ZMAT4: variants seen among roughly 807,000 people sequenced by gnomAD.
ZMAT4 encodes the protein zinc finger matrin-type 4.
In ZMAT4, 17 loss-of-function variants were observed where a neutral mutation model predicts 28.7. That is an observed-to-expected ratio of 0.59 (90% confidence interval 0.41 to 0.89). The LOEUF (loss-of-function observed/expected upper bound fraction) is 0.89, where lower values mean the gene tolerates loss of function less well. Ranked by LOEUF, ZMAT4 falls within the 40% of genes least tolerant of loss-of-function variation. The pLI is 0.00. For synonymous variants in ZMAT4, 117 were observed against 109.2 expected (o/e 1.07, Z -0.44); for missense variants, 240 against 283.8 (o/e 0.85, Z 1.11).
At chr8:40,763,626 T>A (rs1394156121) in intron 3 of ZMAT4, among the ~76,000 whole-genome samples, 7 of 152,280 alleles carry the variant, frequency 4.6e-5, no homozygotes, top group Non-Finnish European at 8.8e-5. Flanking sequence ...GAATAGCATT[T>A]AGGGAAGCAG....
At chr8:40,668,434 C>A (rs1808527297) in intron 5 of ZMAT4, among the ~76,000 whole-genome samples, 1 of 136,500 alleles carries the variant, frequency 7.3e-6, no homozygotes, top group Non-Finnish European at 1.5e-5. Context: ...AGCGCCACTG[C>A]ACTCTAGCTT....
chr8:40,684,796 A>G (rs1809327179), intron 4 of ZMAT4, among the ~76,000 whole-genome samples: 1 of 152,158 alleles, frequency 6.6e-6, no homozygotes, highest in Non-Finnish European at 1.5e-5. Context: ...CCTGGGCTAG[A>G]ATAGAGCTGT....
chr8:40,840,853 C>T (rs1044601480), intron 1 of ZMAT4, among the ~76,000 whole-genome samples: 1 of 152,160 alleles, frequency 6.6e-6, no homozygotes, highest in African/African-American at 2.4e-5. Flanking sequence ...TGACTTGAAC[C>T]GATGATTCTA....
At chr8:40,727,941 A>C (rs567329154) in intron 3 of ZMAT4, among the ~76,000 whole-genome samples, 1 of 152,340 alleles carries the variant, frequency 6.6e-6, no homozygotes, top group South Asian at 2.1e-4. Context: ...TATGCAAAGA[A>C]TATGAGCTAG....
At chr8:40,706,207 C>G (rs1810343153) in intron 3 of ZMAT4, among the ~76,000 whole-genome samples, 1 of 152,104 alleles carries the variant, frequency 6.6e-6, no homozygotes, top group Admixed American at 6.6e-5. Context: ...AATGTACCAC[C>G]ATGTCCAACT....
chr8:40,620,594 C>G (rs942426416), intron 5 of ZMAT4, among the ~76,000 whole-genome samples: 1 of 152,174 alleles, frequency 6.6e-6, no homozygotes, highest in African/African-American at 2.4e-5. Context: ...TGTAAAAATT[C>G]GTCATATGTT....
At chr8:40,817,347 GA>G (rs537389509) in intron 2 of ZMAT4, among the ~76,000 whole-genome samples, 39 of 152,296 alleles carry the variant, frequency 2.6e-4, no homozygotes, top group African/African-American at 9.1e-4. Context: ...TAGGAGGAGA[GA>G]AGACCCAAGA....
chr8:40,801,351 A>AAAAATATATATATATATATATATAT (rs370796453), intron 2 of ZMAT4, among the ~76,000 whole-genome samples: 2 of 97,262 alleles, frequency 2.1e-5, no homozygotes, highest in African/African-American at 7.4e-5. Flanking sequence ...TAAAAAAAAA[A>AAAAATATATATATATATATATATAT]ATATATATAT....
intron 4 of ZMAT4, among the ~76,000 whole-genome samples, chr8:40,687,887 C>T (rs1212884544): frequency 2.0e-5 from 3 of 152,252 alleles, no homozygotes; most frequent in Admixed American, 6.5e-5. Context: ...CAAGAATTCA[C>T]GGGTAGGCCT....
At chr8:40,835,778 T>C (rs1004893948) in intron 1 of ZMAT4, among the ~76,000 whole-genome samples, 4 of 152,154 alleles carry the variant, frequency 2.6e-5, no homozygotes, top group Non-Finnish European at 1.5e-5. Flanking sequence ...TTTATTTGAA[T>C]CCATACTCTG....
chr8:40,813,655 C>A (rs1025257800), intron 2 of ZMAT4, among the ~76,000 whole-genome samples: 3 of 152,152 alleles, frequency 2.0e-5, no homozygotes, highest in African/African-American at 7.2e-5. Flanking sequence ...GGCCAGAGAC[C>A]CGGTGAGTCA....
At chr8:40,783,758 C>A (rs186071695) in intron 2 of ZMAT4, among the ~76,000 whole-genome samples, 1 of 152,198 alleles carries the variant, frequency 6.6e-6, no homozygotes, top group East Asian at 1.9e-4. Flanking sequence ...CGCTTGTAAT[C>A]CCAGCACTTT....
intron 6 of ZMAT4, among the ~76,000 whole-genome samples, chr8:40,552,827 C>T (rs1803406487): frequency 6.6e-6 from 1 of 152,114 alleles, no homozygotes; most frequent in Non-Finnish European, 1.5e-5. Context: ...CACACTCTTC[C>T]CTTCAAGAGG....
chr8:40,676,935 T>C (rs1808937238), intron 4 of ZMAT4, among the ~76,000 whole-genome samples: 1 of 152,188 alleles, frequency 6.6e-6, no homozygotes. Flanking sequence ...AAAAGATCTC[T>C]ATCCACTTTT....
At chr8:40,824,184 A>G (rs1231792922) in intron 2 of ZMAT4, among the ~76,000 whole-genome samples, 3 of 152,222 alleles carry the variant, frequency 2.0e-5, no homozygotes, top group African/African-American at 7.2e-5. Flanking sequence ...TTGTCAGACA[A>G]AAAGAAAATT....
intron 5 of ZMAT4, among the ~76,000 whole-genome samples, chr8:40,613,478 C>T (rs1236968568): frequency 6.6e-6 from 1 of 152,110 alleles, no homozygotes; most frequent in African/African-American, 2.4e-5. Context: ...GCCACCTTGC[C>T]CAGCCTCACC....
intron 5 of ZMAT4, among the ~76,000 whole-genome samples, chr8:40,658,613 GACACATAC>G (rs1563393461): frequency 3.0e-5 from 3 of 101,316 alleles, no homozygotes; most frequent in African/African-American, 1.4e-4. Context: ...GGCAGCGTTA[GACACATAC>G]ACACACACAC....
intron 1 of ZMAT4, among the ~76,000 whole-genome samples, chr8:40,886,076 G>A (rs756848694): frequency 2.8e-4 from 42 of 152,230 alleles, no homozygotes; most frequent in Non-Finnish European, 4.6e-4. Flanking sequence ...CACATAACAT[G>A]TCAAAAGCTC....
chr8:40,636,288 A>G (rs1376719666), intron 5 of ZMAT4, among the ~76,000 whole-genome samples: 1 of 152,350 alleles, frequency 6.6e-6, no homozygotes, highest in Admixed American at 6.5e-5. Flanking sequence ...TGCAATTGAA[A>G]AACTGACTTC....
Sources: allele counts gnomAD v4.1 joint callset (sites outside exome capture counted in the v4.1 genomes callset), GRCh38; gene constraint gnomAD v4.1.1; transcripts MANE v1.5; gene names NCBI Gene and HGNC (gene_info 2026-07-23, HGNC 2026-07-21).